The following TRPM1 variants were observed in gnomAD, a reference collection of about 807,000 sequenced individuals.
The protein encoded by TRPM1 is TRPM1-203 APA Isoform, Intron 10.
A neutral mutation model predicts 149.4 loss-of-function variants in TRPM1; 113 were observed. The observed-to-expected ratio is 0.76, with a 90% CI of 0.65 to 0.88. The LOEUF is 0.88. Ranked by LOEUF, TRPM1 falls within the 40% of genes least tolerant of loss-of-function variation. The probability of loss-of-function intolerance (pLI) is 0.00; values close to 1 mark genes in which losing one functional copy is unlikely to be tolerated. For missense variants in TRPM1, 1,976 were observed against 2,038.7 expected (o/e 0.97, Z 0.59); for synonymous variants, 741 against 759.5 (o/e 0.98, Z 0.40).
rs1318721081 is a variant in TRPM1, at chr15:31,088,726, G to GCGGCGGTATT, written c.-83-7298_-83-7289dup. Among the ~76,000 whole-genome samples the GCGGCGGTATT allele has an allele frequency of 2.0e-5, 3 of 152,052 alleles. 1 individual carries two copies. The highest frequency in any genetic ancestry group is 4.4e-5 in the Non-Finnish European group (3 of 68,020). The stretch of plus-strand genomic sequence containing the variant: ...GGGCCGTCGTATGAGATTGACTGAA[G>GCGGCGGTATT]CGGCGGTATTCGTCTTCCTGCTACC... On this transcript the variant is annotated intron_variant, in intron 1 of 27. Coordinates refer to ENST00000256552, the MANE Select transcript of TRPM1 (RefSeq NM_001252024.2).
At chr15:31,151,333 C>T (rs1341799038) in intron 1 of TRPM1, among the ~76,000 whole-genome samples, 2 of 152,228 alleles carry the variant, frequency 1.3e-5, no homozygotes, top group Non-Finnish European at 2.9e-5. Context: ...CCCTCTCCCT[C>T]ACTCTCAGGC....
intron 1 of TRPM1, among the ~76,000 whole-genome samples, chr15:31,125,715 G>A (rs1323543636): frequency 2.1e-5 from 2 of 96,372 alleles, no homozygotes; most frequent in South Asian, 3.8e-4. Flanking sequence ...GGGCGACAGA[G>A]CGAGACTCCG....
At chr15:31,135,302 G>T (rs2036074047) in intron 1 of TRPM1, among the ~76,000 whole-genome samples, 1 of 151,986 alleles carries the variant, frequency 6.6e-6, no homozygotes, top group South Asian at 2.1e-4. Context: ...GCCAATATGG[G>T]CTTCCTAGGA....
chr15:31,029,760 T>C (rs1010785424), intron 23 of TRPM1, among the ~76,000 whole-genome samples: 4 of 152,076 alleles, frequency 2.6e-5, no homozygotes, highest in Non-Finnish European at 4.4e-5. Flanking sequence ...CACAAACACC[T>C]CATAAGCACA....
chr15:31,149,248 C>A (rs1037902977), intron 1 of TRPM1, among the ~76,000 whole-genome samples: 21 of 152,148 alleles, frequency 1.4e-4, no homozygotes, highest in African/African-American at 4.1e-4. Context: ...CTTTCAGGAC[C>A]CCTGAGAGTT....
chr15:31,135,828 G>A (rs1178170079), intron 1 of TRPM1, among the ~76,000 whole-genome samples: 1 of 152,118 alleles, frequency 6.6e-6, no homozygotes. Flanking sequence ...ACCATGAGTG[G>A]AGGCAGCCTG....
intron 1 of TRPM1, among the ~76,000 whole-genome samples, chr15:31,158,045 C>A (rs1040777344): frequency 6.6e-6 from 1 of 152,130 alleles, no homozygotes; most frequent in Admixed American, 6.6e-5. Context: ...TGTGATTTCA[C>A]GGCTGTTTCC....
intron 1 of TRPM1, among the ~76,000 whole-genome samples, chr15:31,109,250 C>A (rs2035649383): frequency 7.4e-6 from 1 of 134,504 alleles, no homozygotes; most frequent in Non-Finnish European, 1.5e-5. Flanking sequence ...TGGAGAATCA[C>A]TTGAACCTGG....
chr15:31,151,275 T>C, intron 1 of TRPM1, among the ~76,000 whole-genome samples: 1 of 152,158 alleles, frequency 6.6e-6, no homozygotes, highest in East Asian at 1.9e-4. Flanking sequence ...ACCTCAGTTG[T>C]TTACCGTCAC....
chr15:31,113,428 G>A (rs1023572642), intron 1 of TRPM1, among the ~76,000 whole-genome samples: 2 of 96,130 alleles, frequency 2.1e-5, no homozygotes, highest in Non-Finnish European at 4.6e-5. Context: ...ACCCAGCTCT[G>A]ACAGTTTTTT....
chr15:31,035,713 T>C (rs773704469), intron 20 of TRPM1, 39 bp from the exon 21 acceptor site: 1 of 1,614,034 alleles, frequency 6.2e-7, no homozygotes, highest in Admixed American at 1.7e-5. Flanking sequence ...TTTGGGGGAA[T>C]CACATAGCAA....
rs1445593955 is a variant in TRPM1 at position 31,002,427 on chromosome 15, C to G, written c.4273G>C (p.Glu1425Gln). 6.2e-7 allele frequency: 1 copy of G among 1,614,232 alleles called. No individual in the cohort carries two copies. Among genetic ancestry groups the G allele is most frequent in the Non-Finnish European group, 8.5e-7 (1 of 1,180,036 alleles). ...ATAGTGCCTTCTATATTTGTCGTTT[C>G]CACTGTTAGCTGAGTGTTTTGAACA... ...SDVQNTQLTV[E>Q]TTNIEGTISY... Residue 1425 changes from glutamate to glutamine, a missense_variant, in exon 28 of 28, where the codon GAA (glutamate) becomes CAA (glutamine). By Grantham distance (29) the Glu-to-Gln change is conservative. Transcript: ENST00000256552.
intron 1 of TRPM1, among the ~76,000 whole-genome samples, chr15:31,089,787 A>G (rs1268711153): frequency 6.6e-6 from 1 of 152,148 alleles, no homozygotes; most frequent in African/African-American, 2.4e-5. Flanking sequence ...TGGTGTCCCC[A>G]AAGTGCATAA....
chr15:31,066,722 T>C (rs2140961949), intron 6 of TRPM1, among the ~76,000 whole-genome samples: 1 of 152,336 alleles, frequency 6.6e-6, no homozygotes, highest in East Asian at 1.9e-4. Context: ...ACTGTATGAT[T>C]CCATTTACAG....
intron 1 of TRPM1, among the ~76,000 whole-genome samples, chr15:31,135,446 A>G (rs1236621936): frequency 1.3e-5 from 2 of 152,230 alleles, no homozygotes; most frequent in Non-Finnish European, 1.5e-5. Context: ...TTTTAAATTA[A>G]AAAAAGAGAA....
intron 1 of TRPM1, among the ~76,000 whole-genome samples, chr15:31,115,629 A>G (rs1199707300): frequency 6.6e-6 from 1 of 151,994 alleles, no homozygotes; most frequent in Non-Finnish European, 1.5e-5. Context: ...TTTTACCTCC[A>G]AGCACTCCAG....
At position 31,140,235 on chromosome 15, in the gene TRPM1, C is replaced by T. The variant is rs1367123240; in HGVS notation, c.54+20671G>A. Reference sequence around the variant, plus strand: ...TACAAAAAAAAAAAAAAAAATTAGCCGGGCATGGTGGCAGGAGCCTGTAGA... The same window carrying T: ...TACAAAAAAAAAAAAAAAAATTAGCTGGGCATGGTGGCAGGAGCCTGTAGA... On this transcript the variant is annotated intron_variant, in intron 1 of 26. Transcript: ENST00000542188. Among the ~76,000 whole-genome samples, 5 of 148,990 alleles carry T rather than the reference C, an allele frequency of 3.4e-5. No homozygotes were observed. In the South Asian group the frequency reaches 6.5e-4, roughly 19 times the overall value.
At chr15:31,061,863 T>A (rs1215014842) in intron 9 of TRPM1, among the ~76,000 whole-genome samples, 3 of 152,010 alleles carry the variant, frequency 2.0e-5, no homozygotes, top group African/African-American at 7.2e-5. Context: ...TGTTTTGGTA[T>A]TTTTAGTAGA....
At chr15:31,091,039 A>G (rs2035222800) in intron 1 of TRPM1, among the ~76,000 whole-genome samples, 2 of 152,250 alleles carry the variant, frequency 1.3e-5, no homozygotes, top group Admixed American at 1.3e-4. Context: ...TTTCTTAAGC[A>G]TTAGCTGATA....
Sources: allele counts gnomAD v4.1 joint callset (sites outside exome capture counted in the v4.1 genomes callset), GRCh38; gene constraint gnomAD v4.1.1; transcripts MANE v1.5; gene names NCBI Gene and HGNC (gene_info 2026-07-23, HGNC 2026-07-21).